Variants in SBF2 observed in about 807,000 individuals in gnomAD.
The protein encoded by SBF2 is myotubularin-related protein 13.
In SBF2, 112 loss-of-function variants were observed where a neutral mutation model predicts 225.2. The observed-to-expected ratio is 0.50, with a 90% CI of 0.43 to 0.58. SBF2 has a LOEUF of 0.58. Among genes scored for constraint, SBF2 ranks in the 20% least tolerant of loss-of-function variants. The pLI, the probability that SBF2 is intolerant of heterozygous loss-of-function variation, is 0.00. For synonymous variants in SBF2, 763 were observed against 773.3 expected (o/e 0.99, Z 0.22); for missense variants, 1,996 against 2,206.2 (o/e 0.90, Z 1.91).
At chr11:10,109,310 C>G (rs1440866759) in intron 2 of SBF2, among the ~76,000 whole-genome samples, 2 of 152,080 alleles carry the variant, frequency 1.3e-5, no homozygotes, top group Non-Finnish European at 1.5e-5. Flanking sequence ...GATCAAACAT[C>G]TTCTTTAATG....
intron 14 of SBF2, among the ~76,000 whole-genome samples, chr11:9,966,360 G>T (rs1049399129): frequency 2.0e-5 from 3 of 152,216 alleles, no homozygotes; most frequent in African/African-American, 7.2e-5. Context: ...AAAGTGCTGG[G>T]ATTATGGGCG....
chr11:9,789,768 C>A (rs1852622435), intron 34 of SBF2, among the ~76,000 whole-genome samples: 1 of 152,144 alleles, frequency 6.6e-6, no homozygotes, highest in African/African-American at 2.4e-5. Flanking sequence ...TCTGTCAAAC[C>A]TGCTACTTTT....
intron 2 of SBF2, among the ~76,000 whole-genome samples, chr11:10,171,953 T>C (rs1471615368): frequency 6.6e-6 from 1 of 152,214 alleles, no homozygotes; most frequent in Non-Finnish European, 1.5e-5. Flanking sequence ...CAGTAGCCAC[T>C]AATGGTCCTT....
chr11:10,253,621 C>T (rs569220549), intron 1 of SBF2, among the ~76,000 whole-genome samples: 5 of 152,176 alleles, frequency 3.3e-5, no homozygotes, highest in Middle Eastern at 3.4e-3. Flanking sequence ...CTAAAAGGGG[C>T]ACTTTTTCTC....
At chr11:9,833,892 T>A (rs1238353303) in intron 26 of SBF2, among the ~76,000 whole-genome samples, 1 of 150,784 alleles carries the variant, frequency 6.6e-6, no homozygotes, top group African/African-American at 2.4e-5. Context: ...TTTCTCAGCC[T>A]CCTGAGTAGC....
chr11:10,197,440 A>C (rs1012922317), intron 1 of SBF2, among the ~76,000 whole-genome samples: 7 of 152,258 alleles, frequency 4.6e-5, no homozygotes, highest in Non-Finnish European at 8.8e-5. Flanking sequence ...GTTACGCCTA[A>C]AAGATGTACA....
intron 24 of SBF2, 43 bp from the exon 25 acceptor site, chr11:9,842,813 A>G: frequency 6.2e-7 from 1 of 1,602,060 alleles, no homozygotes; most frequent in Non-Finnish European, 8.6e-7. Context: ...TTAATATAAA[A>G]GCACTACTTG....
chr11:9,819,293 G>A (rs1179192074), intron 28 of SBF2: 1 of 152,104 alleles, frequency 6.6e-6, no homozygotes, highest in Admixed American at 6.6e-5. Flanking sequence ...ATTTATCTCT[G>A]TACCCATGCA....
intron 2 of SBF2, among the ~76,000 whole-genome samples, chr11:10,077,175 A>G (rs1215761338): frequency 6.6e-6 from 1 of 152,226 alleles, no homozygotes; most frequent in Non-Finnish European, 1.5e-5. Context: ...ATGGAAGAAC[A>G]TTCCATGCTC....
chr11:9,862,739 A>T (rs191946520), intron 17 of SBF2, among the ~76,000 whole-genome samples: 237 of 152,160 alleles, frequency 1.6e-3, no homozygotes, highest in African/African-American at 2.5e-3. Flanking sequence ...ATTTAAAAAA[A>T]TTTTTTTTAT....
In SBF2 at chr11:10,116,202, T is replaced by A. The variant is rs144009855; in HGVS notation, c.142-73221A>T. 1.7e-4 allele frequency among the ~76,000 whole-genome samples: 26 copies of A among 152,288 alleles called. No homozygotes were observed. In the East Asian group the frequency reaches 4.6e-3, roughly 27 times the overall value. On this transcript the variant is annotated intron_variant, in intron 2 of 39. Coordinates refer to ENST00000256190, the MANE Select transcript of SBF2 (RefSeq NM_030962.4). ...AAAAAGGAAAAAAAATATTTGTTTA[T>A]CTGAATATTACTTTGGTTGAGGTAT...
intron 16 of SBF2, among the ~76,000 whole-genome samples, chr11:9,917,764 C>T (rs754978896): frequency 2.6e-5 from 4 of 151,290 alleles, no homozygotes; most frequent in Non-Finnish European, 5.9e-5. Flanking sequence ...TAAAGCACCA[C>T]TGGAATCTGT....
At chr11:10,119,273 T>C (rs1487120727) in intron 2 of SBF2, among the ~76,000 whole-genome samples, 1 of 152,104 alleles carries the variant, frequency 6.6e-6, no homozygotes, top group African/African-American at 2.4e-5. Context: ...GTTTTTCCCA[T>C]GGACTATATT....
intron 1 of SBF2, among the ~76,000 whole-genome samples, chr11:10,223,719 C>A (rs1463579713): frequency 6.6e-6 from 1 of 151,840 alleles, no homozygotes; most frequent in African/African-American, 2.4e-5. Flanking sequence ...GTATGAGTCC[C>A]ATAGTGTTAT....
chr11:9,938,019 A>G lies in SBF2; in HGVS notation c.1860+23938T>C, dbSNP rs541992816. On this transcript the variant is annotated intron_variant, in intron 16 of 39. Transcript: ENST00000256190. ...AAATATTAAATTTTCAGGGTCGGGC[A>G]CGGTAGCTCACACTTGTAATCCCAG... Among the ~76,000 whole-genome samples the G allele has an allele frequency of 2.1e-3, 317 of 150,478 alleles. 3 individuals are homozygous for G. The highest frequency in any genetic ancestry group is 6.8e-3 in the African/African-American group (279 of 41,318).
At chr11:10,280,686 G>A (rs1565431359) in intron 1 of SBF2, among the ~76,000 whole-genome samples, 3 of 152,086 alleles carry the variant, frequency 2.0e-5, no homozygotes, top group Non-Finnish European at 4.4e-5. Flanking sequence ...CTGCAATATG[G>A]TTTACAATAC....
At chr11:10,045,617 A>G (rs934603061) in intron 2 of SBF2, among the ~76,000 whole-genome samples, 1 of 152,200 alleles carries the variant, frequency 6.6e-6, no homozygotes, top group Admixed American at 6.5e-5. Flanking sequence ...TTCAAATTTA[A>G]TATTTAACTT....
chr11:9,920,028 G>A (rs918902502), intron 16 of SBF2, among the ~76,000 whole-genome samples: 24 of 151,804 alleles, frequency 1.6e-4, no homozygotes, highest in African/African-American at 2.9e-4. Flanking sequence ...CACCATGCCC[G>A]GCCTCTTCTT....
intron 2 of SBF2, among the ~76,000 whole-genome samples, chr11:10,118,947 A>C (rs562152598): frequency 1.3e-5 from 2 of 151,864 alleles, no homozygotes; most frequent in South Asian, 4.2e-4. Context: ...CAAAAAAAAA[A>C]CACTCAGCAT....
Sources: gnomAD v4.1 joint callset for allele counts (sites outside exome capture counted in the v4.1 genomes callset) on GRCh38, gnomAD v4.1.1 for gene constraint, MANE v1.5 for transcripts, NCBI Gene and HGNC (gene_info 2026-07-23, HGNC 2026-07-21) for gene names.